ASIC2: variants seen among roughly 807,000 people sequenced by gnomAD.
ASIC2 encodes the protein acid-sensing ion channel 2.
In ASIC2, 25 loss-of-function variants were observed where a neutral mutation model predicts 57.3. The ratio of observed to expected loss-of-function variants is 0.44; its 90% CI spans 0.32 to 0.61. The LOEUF is 0.61. ASIC2 is among the 20% of genes least tolerant of loss of function. ASIC2 has a pLI of 0.06. For synonymous variants in ASIC2, 319 were observed against 307.5 expected, an observed-to-expected ratio of 1.04 and a Z score of -0.39; for missense variants, 641 against 738.1, an observed-to-expected ratio of 0.87 and a Z score of 1.52.
intron 1 of ASIC2, among the ~76,000 whole-genome samples, chr17:34,120,841 C>A (rs1248051440): frequency 6.8e-6 from 1 of 147,922 alleles, no homozygotes; most frequent in African/African-American, 2.5e-5. Context: ...CAGGTTCAAG[C>A]GATTCTCCTC....
At chr17:33,934,050 T>C (rs1165492805) in intron 1 of ASIC2, among the ~76,000 whole-genome samples, 1 of 152,218 alleles carries the variant, frequency 6.6e-6, no homozygotes, top group African/African-American at 2.4e-5. Context: ...ACACTTGTTC[T>C]AGTTTTGGAC....
intron 1 of ASIC2, among the ~76,000 whole-genome samples, chr17:33,796,444 G>T (rs1911921679): frequency 6.6e-6 from 1 of 152,120 alleles, no homozygotes; most frequent in East Asian, 1.9e-4. Flanking sequence ...AATATTACAT[G>T]CTTAATAGCA....
chr17:33,758,936 G>A (rs1910695971), intron 1 of ASIC2, among the ~76,000 whole-genome samples: 1 of 143,152 alleles, frequency 7.0e-6, no homozygotes, highest in South Asian at 2.2e-4. Flanking sequence ...AAAAAAAAAT[G>A]GTATTGAGAA....
At chr17:33,703,311 G>A (rs1005470373) in intron 1 of ASIC2, among the ~76,000 whole-genome samples, 1 of 139,110 alleles carries the variant, frequency 7.2e-6, no homozygotes, top group Non-Finnish European at 1.6e-5. Context: ...TGGTAGTTTG[G>A]TTTCTTTTTC....
intron 1 of ASIC2, among the ~76,000 whole-genome samples, chr17:33,928,464 C>T (rs2141969685): frequency 6.6e-6 from 1 of 152,322 alleles, no homozygotes; most frequent in African/African-American, 2.4e-5. Flanking sequence ...ATATCCTCTA[C>T]ACCTATGCTC....
chr17:34,037,518 G>A, intron 1 of ASIC2: 1 of 1,246,796 alleles, frequency 8.0e-7, no homozygotes, highest in Non-Finnish European at 1.1e-6. Flanking sequence ...ACCTGGTACA[G>A]GTTTCATCAG....
chr17:33,454,954 C>A (rs893370997), intron 1 of ASIC2, among the ~76,000 whole-genome samples: 1 of 152,230 alleles, frequency 6.6e-6, no homozygotes, highest in African/African-American at 2.4e-5. Context: ...CTAATACTAT[C>A]TAATTGGGTA....
At chr17:33,837,058 G>C (rs1039212022) in intron 1 of ASIC2, among the ~76,000 whole-genome samples, 2 of 152,166 alleles carry the variant, frequency 1.3e-5, no homozygotes, top group Non-Finnish European at 2.9e-5. Flanking sequence ...AGCATTCTCT[G>C]TACTGATTAC....
chr17:33,292,028 CG>C lies in ASIC2; in HGVS notation c.87del (p.Ala30ArgfsTer32). The C allele has an allele frequency of 1.7e-6, 2 of 1,172,516 alleles. No homozygotes were observed. Among genetic ancestry groups the C allele is most frequent in the Non-Finnish European group, 2.1e-6 (2 of 955,666 alleles). 72.6% of individuals were successfully genotyped at this position (1,172,516 alleles called of 1,614,324 possible). Reference protein sequence around the residue: ...RFRMAREEPAPAALAAAGQPG... With the variant: ...RFRMAREEPAXAALAAAGQPG... ...GGCTGCCCGGCAGCCGCCAACGCCG[CG>C]GGCGCCGGCTCCTCGCGGGCCATGC... is the stretch of plus-strand genomic sequence containing the variant. On this transcript the variant is annotated frameshift_variant, in exon 1 of 10. Transcript: ENST00000225823. LOFTEE classifies it high-confidence loss of function.
intron 1 of ASIC2, among the ~76,000 whole-genome samples, chr17:33,641,086 T>C (rs1190708398): frequency 6.6e-6 from 1 of 152,180 alleles, no homozygotes; most frequent in Non-Finnish European, 1.5e-5. Flanking sequence ...CTGGGCTGCC[T>C]ATTTCTGCTA....
chr17:33,725,508 A>G lies in ASIC2; in HGVS notation c.555+430470T>C, dbSNP rs535677088. Among the ~76,000 whole-genome samples the G allele has an allele frequency of 4.5e-4, 68 of 152,278 alleles. 1 individual carries two copies. Among genetic ancestry groups the G allele is most frequent in the African/African-American group, 1.6e-3 (68 of 41,556 alleles). On this transcript the variant is annotated intron_variant, in intron 1 of 9. Coordinates refer to the ASIC2 transcript ENST00000359872. The stretch of plus-strand genomic sequence containing the variant: ...ACTTGGTTAAGTATGGTCTTTCAGA[A>G]GTTAATTCCAGCTTGTAAGACTCAG...
At chr17:33,215,560 AT>A (rs1309822187) in intron 1 of ASIC2, among the ~76,000 whole-genome samples, 1 of 152,250 alleles carries the variant, frequency 6.6e-6, no homozygotes, top group Non-Finnish European at 1.5e-5. Context: ...TAAAATTGAT[AT>A]TTAAAAAATC....
At chr17:33,766,466 C>T (rs1311399246) in intron 1 of ASIC2, among the ~76,000 whole-genome samples, 1 of 152,164 alleles carries the variant, frequency 6.6e-6, no homozygotes, top group Non-Finnish European at 1.5e-5. Flanking sequence ...CCAGATAACA[C>T]CTCCATATAA....
chr17:33,563,930 G>C (rs1377158012), intron 1 of ASIC2, among the ~76,000 whole-genome samples: 1 of 152,174 alleles, frequency 6.6e-6, no homozygotes, highest in Non-Finnish European at 1.5e-5. Context: ...GTCTGCATTT[G>C]ACTACAGACA....
intron 1 of ASIC2, among the ~76,000 whole-genome samples, chr17:33,354,584 G>T (rs1220613533): frequency 1.3e-5 from 2 of 151,958 alleles, no homozygotes; most frequent in Non-Finnish European, 2.9e-5. Flanking sequence ...TTCCAGCAGT[G>T]TGGTCCTTCT....
At chr17:34,063,829 G>A (rs924047114) in intron 1 of ASIC2, among the ~76,000 whole-genome samples, 2 of 152,112 alleles carry the variant, frequency 1.3e-5, no homozygotes, top group Admixed American at 6.6e-5. Context: ...GGAGTCGAAA[G>A]ACCTCTAGAA....
chr17:33,601,018 C>G (rs2142009961), intron 1 of ASIC2, among the ~76,000 whole-genome samples: 1 of 152,228 alleles, frequency 6.6e-6, no homozygotes, highest in East Asian at 1.9e-4. Context: ...ATCTAAGCAG[C>G]AAAGCATTCA....
chr17:33,657,229 A>AC (rs1210485702), intron 1 of ASIC2, among the ~76,000 whole-genome samples: 1 of 151,812 alleles, frequency 6.6e-6, no homozygotes, highest in African/African-American at 2.4e-5. Flanking sequence ...AGTGGTCCAA[A>AC]CCCCCCATCC....
At chr17:34,116,068 A>T (rs1911416421) in intron 1 of ASIC2, among the ~76,000 whole-genome samples, 1 of 152,140 alleles carries the variant, frequency 6.6e-6, no homozygotes, top group Admixed American at 6.5e-5. Context: ...GGTGTGAGAG[A>T]GTGTTGAGAG....
Sources: gnomAD v4.1 joint callset for allele counts (sites outside exome capture counted in the v4.1 genomes callset) on GRCh38, gnomAD v4.1.1 for gene constraint, MANE v1.5 for transcripts, NCBI Gene and HGNC (gene_info 2026-07-23, HGNC 2026-07-21) for gene names.